TLE1: variants seen among roughly 807,000 people sequenced by gnomAD.
TLE1 encodes the protein transducin-like enhancer protein 1.
Under a neutral mutation model 89.8 loss-of-function variants are expected in TLE1, and 21 were observed. The ratio of observed to expected loss-of-function variants is 0.23; its 90% CI spans 0.17 to 0.34. The LOEUF (loss-of-function observed/expected upper bound fraction) is 0.34, where lower values mean the gene tolerates loss of function less well. Ranked by LOEUF, TLE1 falls within the 10% of genes least tolerant of loss-of-function variation. The pLI, the probability that TLE1 is intolerant of heterozygous loss-of-function variation, is 1.00. For missense variants in TLE1, 795 were observed against 1,031.2 expected, an observed-to-expected ratio of 0.77 and a Z score of 3.14; for synonymous variants, 447 against 407.6, an observed-to-expected ratio of 1.10 and a Z score of -1.16.
chr9:81,585,665 G>C lies in TLE1; in HGVS notation c.1978-10C>G. 1.2e-6 allele frequency: 2 copies of C among 1,613,734 alleles called. No homozygotes were observed. The highest frequency in any genetic ancestry group is 2.2e-5 in the South Asian group (2 of 91,028). On this transcript the variant is annotated splice_polypyrimidine_tract_variant and intron_variant, in intron 17 of 19. Coordinates refer to ENST00000376499, the MANE Select transcript of TLE1 (RefSeq NM_005077.5). ...ACCCCAGGGAGAAGATCTACAAGGA[G>C]CAAGACAGGCTCACTCATTATTCCG...
chr9:81,683,157 G>A (rs368687385), intron 4 of TLE1, among the ~76,000 whole-genome samples: 8 of 151,822 alleles, frequency 5.3e-5, no homozygotes, highest in East Asian at 3.9e-4. Flanking sequence ...GAGAGCGGTC[G>A]TCACACTGGA....
intron 8 of TLE1, among the ~76,000 whole-genome samples, chr9:81,632,475 CTTT>C (rs11376391): frequency 5.0e-5 from 4 of 79,870 alleles, no homozygotes; most frequent in Non-Finnish European, 1.3e-4. Context: ...TTCAGTATCC[CTTT>C]TTTTTTTTTT....
At chr9:81,666,296 A>G (rs968395802) in intron 4 of TLE1, among the ~76,000 whole-genome samples, 38 of 152,274 alleles carry the variant, frequency 2.5e-4, no homozygotes, top group African/African-American at 8.4e-4. Context: ...GTGGAAAGCA[A>G]GCAAGCCTCT....
intron 14 of TLE1, among the ~76,000 whole-genome samples, chr9:81,598,553 C>T (rs1830514237): frequency 6.6e-6 from 1 of 152,164 alleles, no homozygotes; most frequent in Non-Finnish European, 1.5e-5. Context: ...ACACCACAAG[C>T]TGTCTACTGT....
chr9:81,584,649 T>A (rs1224204991), intron 18 of TLE1, 125 bp from the exon 19 acceptor site: 1 of 814,026 alleles, frequency 1.2e-6, no homozygotes, highest in Non-Finnish European at 1.9e-6. Context: ...TAAGGACTGG[T>A]CCATGATATG....
Position 81,689,136 on chromosome 9 carries a change from T to C in TLE1, c.-896A>G, listed in dbSNP as rs902853230. 5.9e-5 allele frequency: 9 copies of C among 152,482 alleles called. No homozygotes were observed. Among genetic ancestry groups the C allele is most frequent in the Non-Finnish European group, 8.8e-5 (6 of 68,200 alleles). The allele number at this position is 152,482 out of a possible 1,614,324, so 9.4% of individuals were successfully genotyped here. A position where few individuals can be genotyped will look rare whatever the true frequency, so the allele number is the denominator to read the frequency against. The stretch of plus-strand genomic sequence containing the variant: ...CTCCGGACCCTTCTTCCGAGCTCCT[T>C]CTTCCTCGGTCTTCTTTCTTTCCTT... On this transcript the variant is annotated 5_prime_UTR_variant, in exon 1 of 20. Coordinates refer to ENST00000376499, the MANE Select transcript of TLE1 (RefSeq NM_005077.5).
intron 8 of TLE1, among the ~76,000 whole-genome samples, chr9:81,633,130 A>G (rs1460179119): frequency 1.6e-4 from 25 of 152,208 alleles, no homozygotes; most frequent in Admixed American, 1.6e-3. Context: ...TGTCTGATGC[A>G]AGTTTTGTAA....
At chr9:81,630,562 A>C (rs1263707734) in intron 8 of TLE1, among the ~76,000 whole-genome samples, 1 of 152,232 alleles carries the variant, frequency 6.6e-6, no homozygotes, top group African/African-American at 2.4e-5. Flanking sequence ...CCAGATAAAC[A>C]AAAAGTTCTT....
intron 16 of TLE1, among the ~76,000 whole-genome samples, chr9:81,589,141 T>C (rs1175392230): frequency 6.6e-6 from 1 of 152,192 alleles, no homozygotes; most frequent in Non-Finnish European, 1.5e-5. Flanking sequence ...GAGCAGTCCC[T>C]GCTTCACTTG....
chr9:81,687,179 A>G, intron 2 of TLE1, among the ~76,000 whole-genome samples, 155 bp downstream of exon 2: 1 of 152,208 alleles, frequency 6.6e-6, no homozygotes, highest in East Asian at 1.9e-4. Flanking sequence ...GGGAAGAACC[A>G]GGAAAGGGGG....
chr9:81,602,567 GGTGTGGAAT>G (rs1297584235), intron 14 of TLE1, among the ~76,000 whole-genome samples: 2 of 152,068 alleles, frequency 1.3e-5, no homozygotes, highest in Non-Finnish European at 1.5e-5. Context: ...CATGAGGTCA[GGTGTGGAAT>G]TTTCCATGTG....
chr9:81,657,303 T>C (rs1307634454), intron 4 of TLE1, among the ~76,000 whole-genome samples: 1 of 152,196 alleles, frequency 6.6e-6, no homozygotes, highest in African/African-American at 2.4e-5. Context: ...AGTCTTTATG[T>C]GGTCAAATGA....
At chr9:81,627,422 C>T (rs1826040836) in intron 8 of TLE1, among the ~76,000 whole-genome samples, 2 of 152,060 alleles carry the variant, frequency 1.3e-5, no homozygotes, top group Admixed American at 1.3e-4. Flanking sequence ...ATCCACCTGA[C>T]TTATTGCATC....
At chr9:81,606,127 GC>G (rs1831622294) in intron 14 of TLE1, among the ~76,000 whole-genome samples, 1 of 152,228 alleles carries the variant, frequency 6.6e-6, no homozygotes. Context: ...GACAACAGAT[GC>G]TGGAGAGGAT....
intron 2 of TLE1, 27 bp from the exon 3 acceptor site, chr9:81,685,923 T>C (rs747453961): frequency 5.6e-6 from 9 of 1,611,296 alleles, no homozygotes; most frequent in Non-Finnish European, 7.6e-6. Flanking sequence ...GGCAACTTAA[T>C]GTAAACATTA....
intron 6 of TLE1, among the ~76,000 whole-genome samples, chr9:81,644,918 C>G (rs375045955): frequency 1.2e-4 from 17 of 146,996 alleles, no homozygotes; most frequent in African/African-American, 3.5e-4. Flanking sequence ...CGTTTGAACC[C>G]GGGAAGCGGA....
intron 14 of TLE1, among the ~76,000 whole-genome samples, chr9:81,601,668 G>A (rs1449964649): frequency 2.0e-5 from 3 of 151,736 alleles, no homozygotes; most frequent in Non-Finnish European, 4.4e-5. Flanking sequence ...CAGAGCTCAG[G>A]GGAATAAATG....
intron 8 of TLE1, among the ~76,000 whole-genome samples, chr9:81,629,381 A>G (rs951588478): frequency 6.6e-6 from 1 of 152,196 alleles, no homozygotes; most frequent in Non-Finnish European, 1.5e-5. Flanking sequence ...AGGTCATTTC[A>G]TATTTCTCTG....
chr9:81,584,064 A>G lies in TLE1; in HGVS notation c.*134T>C. On this transcript the variant is annotated 3_prime_UTR_variant, in exon 20 of 20. Coordinates refer to ENST00000376499, the MANE Select transcript of TLE1 (RefSeq NM_005077.5). ...TGTCGCCTCCTCTTTGTAGACTCAA[A>G]GTAGTTTTCTGTCAAGGTTTGGAAA... is the stretch of plus-strand genomic sequence containing the variant. 2 of 739,934 alleles carry G rather than the reference A, an allele frequency of 2.7e-6. No individual in the cohort carries two copies. Among genetic ancestry groups the G allele is most frequent in the Non-Finnish European group, 2.2e-6 (1 of 448,594 alleles). 45.8% of individuals were successfully genotyped at this position (739,934 alleles called of 1,614,324 possible). A position where few individuals can be genotyped will look rare whatever the true frequency, so the allele number is the denominator to read the frequency against.
Sources: gnomAD v4.1 joint callset for allele counts (sites outside exome capture counted in the v4.1 genomes callset) on GRCh38, gnomAD v4.1.1 for gene constraint, MANE v1.5 for transcripts, NCBI Gene and HGNC (gene_info 2026-07-23, HGNC 2026-07-21) for gene names.